The following DPP8 variants were observed in gnomAD, a reference collection of about 807,000 sequenced individuals.
DPP8 encodes the protein DPP VIII.
Under a neutral mutation model 107.5 loss-of-function variants are expected in DPP8, and 31 were observed. That is an observed-to-expected ratio of 0.29 (90% CI 0.22 to 0.39). The LOEUF (loss-of-function observed/expected upper bound fraction) is 0.39, where lower values mean the gene tolerates loss of function less well. Ranked by LOEUF, DPP8 falls within the 10% of genes least tolerant of loss-of-function variation. DPP8 has a pLI of 1.00. For missense variants in DPP8, 842 were observed against 1,076.1 expected (o/e 0.78, Z 3.04); for synonymous variants, 381 against 356.6 (o/e 1.07, Z -0.77).
chr15:65,489,319 G>C (rs2067764648), intron 6 of DPP8, among the ~76,000 whole-genome samples: 1 of 151,388 alleles, frequency 6.6e-6, no homozygotes. Flanking sequence ...CCAGCCTCTA[G>C]GAGAAAAACT....
At chr15:65,514,670 C>T (rs887963478) in intron 1 of DPP8, among the ~76,000 whole-genome samples, 2 of 152,130 alleles carry the variant, frequency 1.3e-5, no homozygotes, top group Non-Finnish European at 2.9e-5. Context: ...GCCATCGTGC[C>T]CAGTTAATTT....
At chr15:65,471,177 A>G (rs561689911) in intron 12 of DPP8, among the ~76,000 whole-genome samples, 35 of 152,312 alleles carry the variant, frequency 2.3e-4, no homozygotes, top group African/African-American at 7.9e-4. Flanking sequence ...GAATTCCACA[A>G]TAAGATTTTT....
Position 65,478,913 on chromosome 15 carries a change from A to G in DPP8, c.1423T>C (p.Tyr475His). ...GGCAGCCCACCACTGGATCGTTTAT[A>G]TTTGCTTTCCTTTAAAATAGATGTA... ...KITSILKESK[Y>H]KRSSGGLPAP... Residue 475 changes from tyrosine (Y) to histidine (H), a missense_variant, in exon 11 of 20, where the codon TAT becomes CAT. By Grantham distance (83) the Tyr-to-His change is moderately conservative. This residue lies in a region of DPP8 where 663 missense variants were observed against 758.0 expected (regional missense o/e 0.87). Transcript: ENST00000300141. 1 of 1,585,964 alleles carries G rather than the reference A, an allele frequency of 6.3e-7. No homozygotes were observed. Among genetic ancestry groups the G allele is most frequent in the South Asian group, 1.2e-5 (1 of 84,606 alleles).
chr15:65,504,317 C>T (rs779038964), intron 3 of DPP8, among the ~76,000 whole-genome samples: 8 of 145,198 alleles, frequency 5.5e-5, no homozygotes, highest in African/African-American at 1.3e-4. Context: ...GAGCTGAGAT[C>T]GTGCCATTGC....
rs397969608 is a variant in DPP8 at position 65,446,616 on chromosome 15, CTTT to C, written c.*265_*267del. On this transcript the variant is annotated 3_prime_UTR_variant, in exon 20 of 20. Coordinates refer to ENST00000300141, the MANE Select transcript of DPP8 (RefSeq NM_130434.5). ...TAGTATGAATACATGGTGCTAATGTCTTTTTTTTTTTTTTTTTTTTAGTAATTC... is the reference window on the plus strand; with the variant it reads ...TAGTATGAATACATGGTGCTAATGTCTTTTTTTTTTTTTTTTTAGTAATTC... The C allele has an allele frequency of 1.2e-4, 14 of 119,074 alleles. No individual in the cohort carries two copies. Among genetic ancestry groups the C allele is most frequent in the Non-Finnish European group, 1.4e-4 (8 of 56,380 alleles). 7.4% of individuals were successfully genotyped at this position (119,074 alleles called of 1,614,324 possible). A position where few individuals can be genotyped will look rare whatever the true frequency, so the allele number is the denominator to read the frequency against.
At chr15:65,504,761 C>T (rs1326050154) in intron 3 of DPP8, among the ~76,000 whole-genome samples, 2 of 151,050 alleles carry the variant, frequency 1.3e-5, no homozygotes, top group East Asian at 2.0e-4. Context: ...GTGGGAGGAT[C>T]GCTTGAGCTC....
chr15:65,449,224 T>G (rs1460431274), intron 19 of DPP8, among the ~76,000 whole-genome samples: 1 of 141,932 alleles, frequency 7.0e-6, no homozygotes, highest in Non-Finnish European at 1.5e-5. Flanking sequence ...AGAAAAAAAA[T>G]AAAAATAAAT....
chr15:65,455,117 T>G (rs1386995552), intron 16 of DPP8, among the ~76,000 whole-genome samples: 3 of 152,168 alleles, frequency 2.0e-5, no homozygotes, highest in Admixed American at 1.3e-4. Context: ...CCTTAAGTAA[T>G]TAATTTTACT....
intron 2 of DPP8, 141 bp downstream of exon 2, chr15:65,512,154 T>A: frequency 1.2e-6 from 1 of 856,200 alleles, no homozygotes; most frequent in South Asian, 1.5e-5. Context: ...AATCGAATTC[T>A]TCAAATTATA....
rs560491991 is a variant in DPP8, at chr15:65,447,129, T to C, written c.2527-123A>G. On this transcript the variant is annotated intron_variant, in intron 19 of 19. Coordinates refer to ENST00000300141, the MANE Select transcript of DPP8 (RefSeq NM_130434.5). ...TACGAAGCACAGCCTCTATGCAATA[T>C]TGTAGAATAAATCCTATCTAAACGC... The C allele has an allele frequency of 1.2e-4, 76 of 645,208 alleles. 1 individual carries two copies. The African/African-American group carries it at 1.3e-3, about 11-fold the overall frequency. The allele number at this position is 645,208 out of a possible 1,614,324, so 40.0% of individuals were successfully genotyped here.
chr15:65,456,498 G>C, intron 15 of DPP8, 127 bp from the exon 16 acceptor site: 1 of 987,950 alleles, frequency 1.0e-6, no homozygotes. Flanking sequence ...AATTTTTTAA[G>C]TCATTTCTTT....
chr15:65,487,605 T>C lies in DPP8; in HGVS notation c.955+85A>G, dbSNP rs982074609. On this transcript the variant is annotated intron_variant, in intron 7 of 19. Transcript: ENST00000300141. ...ATAAGGCTGGAAATGACCAATGTTG[T>C]TGGCTACACCTTTGGATGACTACAG... is the stretch of plus-strand genomic sequence containing the variant. The C allele has an allele frequency of 4.0e-5, 54 of 1,340,430 alleles. No homozygotes were observed. In the African/African-American group the frequency reaches 8.2e-4, roughly 20 times the overall value. The allele number at this position is 1,340,430 out of a possible 1,614,324, so 83.0% of individuals were successfully genotyped here.
At position 65,512,574 on chromosome 15, in the gene DPP8, C is replaced by T. The variant is rs573172710; in HGVS notation, c.-11-10G>A. The T allele has an allele frequency of 3.1e-6, 5 of 1,613,574 alleles. No homozygotes were observed. The South Asian group carries it at 5.5e-5, about 18-fold the overall frequency. On this transcript the variant is annotated splice_polypyrimidine_tract_variant and intron_variant, in intron 1 of 19. Transcript: ENST00000300141. The stretch of plus-strand genomic sequence containing the variant: ...GCCATGTTGCATTTTCCTAGAAAAA[C>T]AAGGCACATGAAGCTGTTCACGGGT...
chr15:65,498,064 A>T (rs1381714970), intron 4 of DPP8, 32 bp from the exon 5 acceptor site: 1 of 1,517,404 alleles, frequency 6.6e-7, no homozygotes, highest in African/African-American at 1.4e-5. Context: ...TAAGGTAAGT[A>T]TTAGGCTGAC....
chr15:65,463,310 G>A lies in DPP8; in HGVS notation c.1971+451C>T, dbSNP rs576958033. Among the ~76,000 whole-genome samples, 5 of 152,272 alleles carry A rather than the reference G, an allele frequency of 3.3e-5. No homozygotes were observed. In the South Asian group the frequency reaches 6.2e-4, roughly 19 times the overall value. On this transcript the variant is annotated intron_variant, in intron 15 of 19. Transcript: ENST00000300141. Reference sequence around the variant, plus strand: ...TCCCAACACTTTGGGAGCCTGAGGCGGGTGGGTCACTTGAGGTCAGGAGTT... The same window carrying A: ...TCCCAACACTTTGGGAGCCTGAGGCAGGTGGGTCACTTGAGGTCAGGAGTT...
At chr15:65,456,119 C>A in intron 16 of DPP8, 106 bp downstream of exon 16, 1 of 1,306,990 alleles carries the variant, frequency 7.7e-7, no homozygotes, top group Non-Finnish European at 1.1e-6. Context: ...CTCTCACTCA[C>A]TCATTCATAG....
intron 2 of DPP8, among the ~76,000 whole-genome samples, chr15:65,511,216 T>C (rs1166892970): frequency 3.3e-5 from 5 of 152,156 alleles, no homozygotes; most frequent in Non-Finnish European, 5.9e-5. Flanking sequence ...ATGCCATTAC[T>C]GGAGGTCTGG....
intron 8 of DPP8, among the ~76,000 whole-genome samples, chr15:65,483,914 T>A (rs1017463585): frequency 3.3e-5 from 5 of 152,172 alleles, no homozygotes; most frequent in Admixed American, 2.0e-4. Flanking sequence ...TATTGACACA[T>A]GGTACAACAT....
At chr15:65,505,389 G>C (rs113189072) in intron 3 of DPP8, among the ~76,000 whole-genome samples, 1 of 151,934 alleles carries the variant, frequency 6.6e-6, no homozygotes, top group African/African-American at 2.4e-5. Context: ...AGTAGGCTGT[G>C]GGGGGTTGTG....
Sources: allele counts gnomAD v4.1 joint callset (sites outside exome capture counted in the v4.1 genomes callset), GRCh38; gene constraint gnomAD v4.1.1; regional missense constraint gnomAD v4.1.1; transcripts MANE v1.5; gene names NCBI Gene and HGNC (gene_info 2026-07-23, HGNC 2026-07-21).